Variants in NUSAP1 observed in about 807,000 individuals in gnomAD.
NUSAP1 encodes the protein nucleolar and spindle-associated protein 1.
A neutral mutation model predicts 52.8 loss-of-function variants in NUSAP1; 32 were observed. The ratio of observed to expected loss-of-function variants is 0.61; its 90% CI spans 0.46 to 0.81. The LOEUF is 0.81. NUSAP1 is among the 40% of genes least tolerant of loss of function. The pLI, the probability that NUSAP1 is intolerant of heterozygous loss-of-function variation, is 0.00. For synonymous variants in NUSAP1, 195 were observed against 183.1 expected (o/e 1.06, Z -0.52); for missense variants, 499 against 522.3 (o/e 0.96, Z 0.43).
chr15:41,367,975 C>T (rs2049489836), intron 7 of NUSAP1, among the ~76,000 whole-genome samples: 1 of 152,182 alleles, frequency 6.6e-6, no homozygotes, highest in Admixed American at 6.6e-5. Context: ...GTAATCCCAG[C>T]TACTCAGGAG....
intron 6 of NUSAP1, among the ~76,000 whole-genome samples, chr15:41,363,148 G>T (rs983862457): frequency 6.6e-6 from 1 of 151,844 alleles, no homozygotes; most frequent in Non-Finnish European, 1.5e-5. Context: ...TTAGCCAGAC[G>T]TGGTGGCAGA....
chr15:41,339,662 A>G (rs1400737600), intron 1 of NUSAP1, among the ~76,000 whole-genome samples: 4 of 151,954 alleles, frequency 2.6e-5, no homozygotes, highest in African/African-American at 9.7e-5. Context: ...TGACTGCCTC[A>G]GGCCTCCCAA....
chr15:41,356,497 G>A (rs1381441197), intron 5 of NUSAP1, among the ~76,000 whole-genome samples: 1 of 151,832 alleles, frequency 6.6e-6, no homozygotes, highest in Non-Finnish European at 1.5e-5. Context: ...TGGGACTACA[G>A]GTGTGCTCCA....
chr15:41,354,701 T>C (rs1197607051), intron 4 of NUSAP1, among the ~76,000 whole-genome samples: 1 of 150,082 alleles, frequency 6.7e-6, no homozygotes, highest in Non-Finnish European at 1.5e-5. Context: ...GTTTAATTTA[T>C]ATTAAATAAT....
chr15:41,354,700 A>G (rs1433252675), intron 4 of NUSAP1, among the ~76,000 whole-genome samples: 3 of 148,840 alleles, frequency 2.0e-5, no homozygotes, highest in Admixed American at 2.0e-4. Flanking sequence ...TGTTTAATTT[A>G]TATTAAATAA....
At chr15:41,361,866 T>C (rs541921568) in intron 6 of NUSAP1, among the ~76,000 whole-genome samples, 1 of 152,214 alleles carries the variant, frequency 6.6e-6, no homozygotes, top group South Asian at 2.1e-4. Context: ...AAAAAAAAAT[T>C]ACAATAACTT....
At position 41,356,053 on chromosome 15, in the gene NUSAP1, A is replaced by G. The variant is rs2048958204; in HGVS notation, c.463A>G (p.Lys155Glu). Residue 155 changes from lysine to glutamate, a missense_variant, in exon 5 of 11, where the codon AAG becomes GAG. Transcript: ENST00000559596. Reference sequence around the variant, plus strand: ...TTTGGATTTAGGTAACAGAGATTCAAAGGTACCTTCAGAAGGAAAGAAATC... The same window carrying G: ...TTTGGATTTAGGTAACAGAGATTCAGAGGTACCTTCAGAAGGAAAGAAATC... ...NAVSSGNRDS[K>E]VPSEGKKSLY... The G allele has an allele frequency of 1.9e-6, 3 of 1,599,420 alleles. No homozygotes were observed. The highest frequency in any genetic ancestry group is 2.6e-6 in the Non-Finnish European group (3 of 1,169,532).
chr15:41,377,569 G>A (rs2050000755), intron 10 of NUSAP1, among the ~76,000 whole-genome samples: 1 of 151,630 alleles, frequency 6.6e-6, no homozygotes, highest in Non-Finnish European at 1.5e-5. Flanking sequence ...CATGGTGGCG[G>A]GCGCCTGTAG....
At chr15:41,376,639 C>T (rs1172017017) in intron 9 of NUSAP1, among the ~76,000 whole-genome samples, 2 of 151,222 alleles carry the variant, frequency 1.3e-5, no homozygotes, top group African/African-American at 2.4e-5. Flanking sequence ...TGCAGTGAGC[C>T]GAGACCACAC....
chr15:41,348,293 G>A (rs1042196640), intron 2 of NUSAP1, among the ~76,000 whole-genome samples: 1 of 152,180 alleles, frequency 6.6e-6, no homozygotes. Context: ...TGGCCAGGCT[G>A]GTCTCGAAAT....
At chr15:41,334,187 C>T (rs527622801) in intron 1 of NUSAP1, among the ~76,000 whole-genome samples, 3 of 152,222 alleles carry the variant, frequency 2.0e-5, no homozygotes, top group Non-Finnish European at 2.9e-5. Context: ...GGCGCCATCT[C>T]GGCTCACCGC....
At chr15:41,336,115 C>T (rs1156963021) in intron 1 of NUSAP1, among the ~76,000 whole-genome samples, 4 of 151,012 alleles carry the variant, frequency 2.6e-5, no homozygotes, top group African/African-American at 4.9e-5. Context: ...CAAAATTTAG[C>T]CAGGCGTGGC....
intron 4 of NUSAP1, among the ~76,000 whole-genome samples, chr15:41,352,743 G>C (rs1020621031): frequency 5.9e-5 from 9 of 152,014 alleles, no homozygotes; most frequent in Non-Finnish European, 1.0e-4. Flanking sequence ...TTTTAGTAGA[G>C]ACAGGGTTTC....
intron 8 of NUSAP1, among the ~76,000 whole-genome samples, chr15:41,372,193 T>G (rs1211178002): frequency 1.3e-5 from 2 of 152,192 alleles, no homozygotes; most frequent in African/African-American, 2.4e-5. Context: ...GATATCTGCC[T>G]GAGAGCTCCA....
chr15:41,334,589 A>C (rs1475856321), intron 1 of NUSAP1, among the ~76,000 whole-genome samples: 1 of 152,166 alleles, frequency 6.6e-6, no homozygotes, highest in Non-Finnish European at 1.5e-5. Context: ...GCCTAGCTAG[A>C]ATCTTTTATC....
chr15:41,340,232 GTTC>G (rs2048325374), intron 1 of NUSAP1, among the ~76,000 whole-genome samples: 1 of 152,040 alleles, frequency 6.6e-6, no homozygotes, highest in Non-Finnish European at 1.5e-5. Flanking sequence ...CAGGGCTCCT[GTTC>G]TTGGCGCTCG....
chr15:41,366,265 C>T (rs191784222), intron 7 of NUSAP1, among the ~76,000 whole-genome samples: 1 of 151,552 alleles, frequency 6.6e-6, no homozygotes, highest in East Asian at 1.9e-4. Flanking sequence ...GCCATTGCAC[C>T]CAACCTTTCT....
Position 41,332,909 on chromosome 15 carries a change from C to A in NUSAP1, c.-49C>A. On this transcript the variant is annotated 5_prime_UTR_variant, in exon 1 of 11. Coordinates refer to ENST00000559596, the MANE Select transcript of NUSAP1 (RefSeq NM_016359.5). ...GCGCCAGGGATTTGAACCGCGCTGACGAAGTTTGGTGATCCATCTTCCGAG... is the reference window on the plus strand; with the variant it reads ...GCGCCAGGGATTTGAACCGCGCTGAAGAAGTTTGGTGATCCATCTTCCGAG... 2.1e-6 allele frequency: 3 copies of A among 1,452,142 alleles called. No individual in the cohort carries two copies. Among genetic ancestry groups the A allele is most frequent in the Middle Eastern group, 1.7e-4 (1 of 5,796 alleles). 90.0% of individuals were successfully genotyped at this position (1,452,142 alleles called of 1,614,324 possible).
chr15:41,380,322 T>C lies in NUSAP1; in HGVS notation c.*136T>C. The stretch of plus-strand genomic sequence containing the variant: ...CTGTTCATAGTCTGTGTAGTGTCCA[T>C]GGGTTCTTCATGTGCTATGATCTCT... On this transcript the variant is annotated 3_prime_UTR_variant, in exon 11 of 11. Transcript: ENST00000559596. The C allele has an allele frequency of 5.0e-6, 3 of 600,498 alleles. No individual in the cohort carries two copies. The highest frequency in any genetic ancestry group is 8.9e-6 in the Non-Finnish European group (3 of 338,912). The allele number at this position is 600,498 out of a possible 1,614,324, so 37.2% of individuals were successfully genotyped here. A position where few individuals can be genotyped will look rare whatever the true frequency, so the allele number is the denominator to read the frequency against.
Sources: gnomAD v4.1 joint callset for allele counts (sites outside exome capture counted in the v4.1 genomes callset) on GRCh38, gnomAD v4.1.1 for gene constraint, MANE v1.5 for transcripts, NCBI Gene and HGNC (gene_info 2026-07-23, HGNC 2026-07-21) for gene names.